CSNK1G1: variants seen among roughly 807,000 people sequenced by gnomAD.
The protein encoded by CSNK1G1 is casein kinase 1 gamma 1, also known as casein kinase I isoform gamma-1.
In CSNK1G1, 22 loss-of-function variants were observed where a neutral mutation model predicts 59.6. The observed-to-expected ratio is 0.37, with a 90% CI of 0.26 to 0.53. CSNK1G1 has a LOEUF of 0.53. Ranked by LOEUF, CSNK1G1 falls within the 20% of genes least tolerant of loss-of-function variation. CSNK1G1 has a pLI of 0.89. For missense variants in CSNK1G1, 384 were observed against 519.5 expected, an observed-to-expected ratio of 0.74 and a Z score of 2.54; for synonymous variants, 179 against 177.1, an observed-to-expected ratio of 1.01 and a Z score of -0.08.
intron 2 of CSNK1G1, among the ~76,000 whole-genome samples, chr15:64,270,806 T>C (rs1893259208): frequency 6.6e-6 from 1 of 151,422 alleles, no homozygotes; most frequent in Admixed American, 6.6e-5. Context: ...GAGACTCTGG[T>C]ATGTTGTATC....
chr15:64,238,699 T>G (rs969755358), intron 4 of CSNK1G1, among the ~76,000 whole-genome samples: 3 of 151,672 alleles, frequency 2.0e-5, no homozygotes, highest in African/African-American at 4.8e-5. Flanking sequence ...GAATTACAGC[T>G]ATGGCGTGTA....
chr15:64,207,732 A>G (rs2082200913), intron 6 of CSNK1G1, 138 bp from the exon 7 acceptor site: 4 of 636,938 alleles, frequency 6.3e-6, no homozygotes, highest in East Asian at 5.7e-5. Flanking sequence ...TAAACCAAGG[A>G]TAGTATTTTA....
At chr15:64,249,270 T>C (rs780406837) in intron 4 of CSNK1G1, among the ~76,000 whole-genome samples, 2 of 152,186 alleles carry the variant, frequency 1.3e-5, no homozygotes, top group Admixed American at 6.5e-5. Flanking sequence ...TTTAGATGAC[T>C]GTAAGAAAAT....
intron 10 of CSNK1G1, among the ~76,000 whole-genome samples, chr15:64,189,815 C>CTT (rs970702567): frequency 4.9e-4 from 63 of 127,294 alleles, no homozygotes; most frequent in Middle Eastern, 4.1e-3. Context: ...CTACAATTTA[C>CTT]TTTTTTTTTT....
chr15:64,298,428 C>T (rs1354324069), intron 2 of CSNK1G1, among the ~76,000 whole-genome samples: 1 of 152,172 alleles, frequency 6.6e-6, no homozygotes, highest in Non-Finnish European at 1.5e-5. Flanking sequence ...GAAATATTCA[C>T]AGAACTATTC....
chr15:64,174,628 A>G (rs1422357707), intron 11 of CSNK1G1, among the ~76,000 whole-genome samples: 1 of 152,178 alleles, frequency 6.6e-6, no homozygotes, highest in Non-Finnish European at 1.5e-5. Flanking sequence ...GAAGTTCTCA[A>G]CATGCTGGAG....
At chr15:64,257,636 C>T (rs1892453879) in intron 3 of CSNK1G1, among the ~76,000 whole-genome samples, 1 of 152,148 alleles carries the variant, frequency 6.6e-6, no homozygotes, top group African/African-American at 2.4e-5. Flanking sequence ...ACTTCTTCCA[C>T]ATCAGCCTCC....
chr15:64,223,765 C>T (rs1330086437), intron 4 of CSNK1G1, among the ~76,000 whole-genome samples: 2 of 152,124 alleles, frequency 1.3e-5, no homozygotes, highest in African/African-American at 2.4e-5. Context: ...AGAGCCTTTC[C>T]ATCATCAATA....
At chr15:64,282,297 CAGTT>C (rs1223748897) in intron 2 of CSNK1G1, among the ~76,000 whole-genome samples, 1 of 151,994 alleles carries the variant, frequency 6.6e-6, no homozygotes. Flanking sequence ...GACAGGGTCT[CAGTT>C]GGTTGCCCAG....
intron 1 of CSNK1G1, among the ~76,000 whole-genome samples, chr15:64,309,258 A>G (rs1488063971): frequency 6.6e-6 from 1 of 151,514 alleles, no homozygotes; most frequent in Admixed American, 6.6e-5. Flanking sequence ...CACATTCACC[A>G]TTTTATTTGC....
rs768929116 is a variant in CSNK1G1, at chr15:64,204,509, A to G, written c.931T>C (p.Phe311Leu). Residue 311 changes from phenylalanine (F) to leucine (L), a missense_variant, in exon 9 of 12, where the codon TTC (phenylalanine) becomes CTC (leucine). Physicochemically the swap from Phe to Leu is conservative, Grantham distance 22. This residue lies in a region of CSNK1G1 where 325 missense variants were observed against 440.9 expected (regional missense o/e 0.74). Transcript: ENST00000303052. ...KPDYEYLRTLFTDLFEKKGYT... is the reference protein window; with the variant it reads ...KPDYEYLRTLLTDLFEKKGYT... Reference sequence around the variant, plus strand: ...CCTTTCTTTTCAAAGAGGTCTGTGAAGAGGGTCCGTAAATACTCATAATCA... The same window carrying G: ...CCTTTCTTTTCAAAGAGGTCTGTGAGGAGGGTCCGTAAATACTCATAATCA... 66 of 1,613,850 alleles carry G rather than the reference A, an allele frequency of 4.1e-5. No individual in the cohort carries two copies. The highest frequency in any genetic ancestry group is 5.4e-5 in the Non-Finnish European group (64 of 1,179,958).
chr15:64,319,592 C>G (rs1896450926), intron 1 of CSNK1G1, among the ~76,000 whole-genome samples: 1 of 152,208 alleles, frequency 6.6e-6, no homozygotes, highest in Non-Finnish European at 1.5e-5. Flanking sequence ...GTTGCCCAGG[C>G]TGGAGTGCAG....
At chr15:64,297,797 G>A (rs1895108995) in intron 2 of CSNK1G1, among the ~76,000 whole-genome samples, 1 of 152,030 alleles carries the variant, frequency 6.6e-6, no homozygotes, top group South Asian at 2.1e-4. Context: ...TTTGTAGGTG[G>A]TAGCCATGAT....
chr15:64,324,960 A>T (rs975173254), intron 1 of CSNK1G1, among the ~76,000 whole-genome samples: 1 of 152,230 alleles, frequency 6.6e-6, no homozygotes, highest in Non-Finnish European at 1.5e-5. Context: ...CTACTAAATT[A>T]GCTTGTATTG....
At chr15:64,233,689 T>C (rs1284100668) in intron 4 of CSNK1G1, among the ~76,000 whole-genome samples, 3 of 152,136 alleles carry the variant, frequency 2.0e-5, no homozygotes, top group South Asian at 2.1e-4. Context: ...CTCAGAAATA[T>C]CAGGATTTTG....
intron 10 of CSNK1G1, among the ~76,000 whole-genome samples, chr15:64,187,798 G>T (rs943166870): frequency 1.3e-5 from 2 of 152,130 alleles, no homozygotes; most frequent in African/African-American, 4.8e-5. Flanking sequence ...AGAGATACCA[G>T]ATGTTCTAGT....
intron 11 of CSNK1G1, 98 bp downstream of exon 11, chr15:64,180,250 T>A (rs2081794114): frequency 6.8e-6 from 6 of 880,748 alleles, no homozygotes; most frequent in East Asian, 5.0e-5. Context: ...GTTACAAGCA[T>A]GAGAAATCCA....
intron 1 of CSNK1G1, among the ~76,000 whole-genome samples, chr15:64,311,048 A>G (rs542350647): frequency 1.3e-5 from 2 of 150,518 alleles, no homozygotes; most frequent in Non-Finnish European, 3.0e-5. Context: ...ATACATATGC[A>G]TTTTATTTTA....
At chr15:64,267,076 C>T (rs1294129539) in intron 2 of CSNK1G1, among the ~76,000 whole-genome samples, 1 of 151,628 alleles carries the variant, frequency 6.6e-6, no homozygotes, top group Non-Finnish European at 1.5e-5. Flanking sequence ...GCCAACATGG[C>T]GAAACCCCAC....
Sources: gnomAD v4.1 joint callset for allele counts (sites outside exome capture counted in the v4.1 genomes callset) on GRCh38, gnomAD v4.1.1 for gene constraint, gnomAD v4.1.1 regional missense constraint, MANE v1.5 for transcripts, NCBI Gene and HGNC (gene_info 2026-07-23, HGNC 2026-07-21) for gene names.